Variants in ANTXR2 observed in about 807,000 individuals in gnomAD.
ANTXR2 encodes ANTXR cell adhesion molecule 2, also known as anthrax toxin receptor 2.
In ANTXR2, 44 loss-of-function variants were observed where a neutral mutation model predicts 73.7. That is an observed-to-expected ratio of 0.60 (90% CI 0.47 to 0.77). ANTXR2 has a LOEUF of 0.77. Among genes scored for constraint, ANTXR2 ranks in the 30% least tolerant of loss-of-function variants. ANTXR2 has a pLI of 0.00. For synonymous variants in ANTXR2, 217 were observed against 205.9 expected, an observed-to-expected ratio of 1.05 and a Z score of -0.46; for missense variants, 604 against 592.5, an observed-to-expected ratio of 1.02 and a Z score of -0.20.
chr4:79,984,016 A>G, intron 13 of ANTXR2, 46 bp from the exon 14 acceptor site: 1 of 1,351,236 alleles, frequency 7.4e-7, no homozygotes, highest in Non-Finnish European at 1.0e-6. Context: ...ATTTCTTAAA[A>G]TACTGTTTAG....
chr4:80,045,897 A>G (rs1380848098), intron 7 of ANTXR2, among the ~76,000 whole-genome samples: 3 of 151,768 alleles, frequency 2.0e-5, no homozygotes, highest in Non-Finnish European at 4.4e-5. Flanking sequence ...TACTTCAACT[A>G]AGAACAATTG....
intron 10 of ANTXR2, among the ~76,000 whole-genome samples, chr4:80,031,017 T>A (rs1017590178): frequency 3.3e-5 from 5 of 152,028 alleles, no homozygotes; most frequent in African/African-American, 9.7e-5. Context: ...CAAATAAGAC[T>A]CCTTCATCCA....
In ANTXR2 at chr4:79,983,509, A is replaced by G. The variant is rs557019390; in HGVS notation, c.1179+369T>C. On this transcript the variant is annotated intron_variant, in intron 14 of 16. Coordinates refer to ENST00000403729, the MANE Select transcript of ANTXR2 (RefSeq NM_058172.6). Reference sequence around the variant, plus strand: ...ATATTTTAACATTTTCTTCTCAAATAGTAGATAACTATTGGATCTTTACAA... The same window carrying G: ...ATATTTTAACATTTTCTTCTCAAATGGTAGATAACTATTGGATCTTTACAA... 2.1e-4 allele frequency among the ~76,000 whole-genome samples: 32 copies of G among 152,342 alleles called. 1 individual carries two copies. In the South Asian group the frequency reaches 6.6e-3, roughly 32 times the overall value.
chr4:80,066,530 T>C (rs965530526), intron 3 of ANTXR2, among the ~76,000 whole-genome samples: 30 of 152,352 alleles, frequency 2.0e-4, no homozygotes, highest in African/African-American at 7.2e-4. Context: ...ATATTATAAA[T>C]CCTTTTAAGA....
chr4:80,050,919 T>C (rs1733743733), intron 7 of ANTXR2, among the ~76,000 whole-genome samples: 1 of 151,676 alleles, frequency 6.6e-6, no homozygotes, highest in African/African-American at 2.4e-5. Context: ...GAGCGCATTC[T>C]CAAAACAAGT....
chr4:79,957,099 ACTAT>A (rs1485661766), intron 16 of ANTXR2, among the ~76,000 whole-genome samples: 2 of 152,106 alleles, frequency 1.3e-5, no homozygotes, highest in Non-Finnish European at 2.9e-5. Context: ...ATAATGAAAG[ACTAT>A]CTACAAAGGC....
At chr4:80,001,256 G>T (rs1008148676) in intron 12 of ANTXR2, among the ~76,000 whole-genome samples, 1 of 151,174 alleles carries the variant, frequency 6.6e-6, no homozygotes, top group Non-Finnish European at 1.5e-5. Flanking sequence ...ATGCTGGTGC[G>T]CTGCACCCAC....
At chr4:80,057,355 T>C (rs1395925468) in intron 3 of ANTXR2, among the ~76,000 whole-genome samples, 1 of 152,002 alleles carries the variant, frequency 6.6e-6, no homozygotes, top group Non-Finnish European at 1.5e-5. Flanking sequence ...CATTTTGTCA[T>C]GCTGCAATAT....
chr4:80,044,992 G>C (rs1227808290), intron 7 of ANTXR2, among the ~76,000 whole-genome samples: 1 of 151,666 alleles, frequency 6.6e-6, no homozygotes, highest in Non-Finnish European at 1.5e-5. Flanking sequence ...CATGTAAAAA[G>C]ATACAGAGCT....
intron 16 of ANTXR2, among the ~76,000 whole-genome samples, chr4:79,919,920 TAAAAA>T (rs56403433): frequency 3.3e-4 from 5 of 14,968 alleles, no homozygotes; most frequent in Admixed American, 7.9e-4. Flanking sequence ...TATATATATA[TAAAAA>T]ATGATAGGGC....
intron 8 of ANTXR2, 75 bp from the exon 9 acceptor site, chr4:80,033,645 G>A: frequency 1.9e-6 from 2 of 1,064,726 alleles, no homozygotes; most frequent in Non-Finnish European, 2.7e-6. Flanking sequence ...TGAAATGAAA[G>A]TATTAAGGTG....
At chr4:80,067,849 G>T (rs1015727853) in intron 3 of ANTXR2, among the ~76,000 whole-genome samples, 16 of 152,302 alleles carry the variant, frequency 1.1e-4, no homozygotes, top group South Asian at 4.1e-4. Context: ...GCCTGTGAGG[G>T]GTGCAGGGGA....
Position 79,902,255 on chromosome 4 carries a change from CCTT to C in ANTXR2, c.*5171_*5173del, listed in dbSNP as rs536487129. 4.6e-5 allele frequency: 7 copies of C among 151,786 alleles called. No homozygotes were observed. Among genetic ancestry groups the C allele is most frequent in the Non-Finnish European group, 7.4e-5 (5 of 67,788 alleles). The allele number at this position is 151,786 out of a possible 1,614,324, so 9.4% of individuals were successfully genotyped here. A position where few individuals can be genotyped will look rare whatever the true frequency, so the allele number is the denominator to read the frequency against. On this transcript the variant is annotated 3_prime_UTR_variant, in exon 17 of 17. Coordinates refer to ENST00000403729, the MANE Select transcript of ANTXR2 (RefSeq NM_058172.6). ...ATTGTGAATTCTTAGATCACAGTAT[CCTT>C]CTACATTAAGACAATGCAAACTTTG...
chr4:80,001,773 C>T lies in ANTXR2; in HGVS notation c.1041+6748G>A, dbSNP rs184532421. Among the ~76,000 whole-genome samples, 992 of 151,468 alleles carry T rather than the reference C, an allele frequency of 6.5e-3. 10 individuals are homozygous for T. The highest frequency in any genetic ancestry group is 0.016 in the African/African-American group (649 of 41,290). Reference sequence around the variant, plus strand: ...ATATATTTAGGATAGTTAGCTCTTCCTGTTGAATTGATCCCTTTACCGTTA... The same window carrying T: ...ATATATTTAGGATAGTTAGCTCTTCTTGTTGAATTGATCCCTTTACCGTTA... On this transcript the variant is annotated intron_variant, in intron 12 of 16. Coordinates refer to ENST00000403729, the MANE Select transcript of ANTXR2 (RefSeq NM_058172.6).
At position 80,072,903 on chromosome 4, in the gene ANTXR2, G is replaced by A. The variant is rs952622535; in HGVS notation, c.-343C>T. 6 of 274,118 alleles carry A rather than the reference G, an allele frequency of 2.2e-5. No homozygotes were observed. The highest frequency in any genetic ancestry group is 3.7e-5 in the Non-Finnish European group (6 of 161,698). 17.0% of individuals were successfully genotyped at this position (274,118 alleles called of 1,614,324 possible). ...CGCGAAAGGAGTTCCTCTCCGGCCT[G>A]GGGCCGAGCCTCCAGCGCCCGCCTC... On this transcript the variant is annotated 5_prime_UTR_variant, in exon 1 of 17. Transcript: ENST00000403729.
chr4:80,036,162 CTA>C, intron 7 of ANTXR2, 130 bp from the exon 8 acceptor site: 1 of 741,762 alleles, frequency 1.3e-6, no homozygotes, highest in Non-Finnish European at 2.2e-6. Context: ...AATCTATTAA[CTA>C]TAGCGTGTAC....
intron 10 of ANTXR2, 53 bp from the exon 11 acceptor site, chr4:80,019,029 G>A: frequency 8.1e-7 from 1 of 1,228,330 alleles, no homozygotes; most frequent in Admixed American, 3.4e-5. Context: ...CAGAGGAGTA[G>A]GAGATTTTTA....
intron 16 of ANTXR2, among the ~76,000 whole-genome samples, chr4:79,950,445 C>T (rs527373766): frequency 1.3e-5 from 2 of 152,278 alleles, no homozygotes; most frequent in South Asian, 4.1e-4. Context: ...ATGAAAATAG[C>T]TGCTGCAATT....
chr4:79,921,385 G>A (rs10019960), intron 16 of ANTXR2, among the ~76,000 whole-genome samples: 87,122 of 151,682 alleles, frequency 0.57, 25,336 homozygotes, highest in Non-Finnish European at 0.6. Context: ...GGACTCTAAA[G>A]CAATGTATAC....
Sources: gnomAD v4.1 joint callset for allele counts (sites outside exome capture counted in the v4.1 genomes callset) on GRCh38, gnomAD v4.1.1 for gene constraint, MANE v1.5 for transcripts, NCBI Gene and HGNC (gene_info 2026-07-23, HGNC 2026-07-21) for gene names.